Variants in RBMS2 observed in about 807,000 individuals in gnomAD.
RBMS2 encodes RNA-binding motif, single-stranded-interacting protein 2.
In RBMS2, 38 loss-of-function variants were observed where a neutral mutation model predicts 58.4. The observed-to-expected ratio is 0.65, with a 90% CI of 0.50 to 0.85. The LOEUF (loss-of-function observed/expected upper bound fraction) is 0.85, where lower values mean the gene tolerates loss of function less well. Among genes scored for constraint, RBMS2 ranks in the 40% least tolerant of loss-of-function variants. The pLI is 0.00. For synonymous variants in RBMS2, 151 were observed against 180.7 expected (o/e 0.84, Z 1.32); for missense variants, 367 against 503.7 (o/e 0.73, Z 2.60).
rs367946477 is a variant in RBMS2, at chr12:56,586,056, C to T, written c.874-793C>T. 1.9e-3 allele frequency among the ~76,000 whole-genome samples: 294 copies of T among 151,806 alleles called. 1 individual carries two copies. Among genetic ancestry groups the T allele is most frequent in the African/African-American group, 6.2e-3 (257 of 41,394 alleles). ...AAAGTAGCCAGGTGTGGGCCGGGCA[C>T]GGTGGCTCACGCCTGTAATCCCAGC... On this transcript the variant is annotated intron_variant, in intron 9 of 13. Coordinates refer to ENST00000262031, the MANE Select transcript of RBMS2 (RefSeq NM_002898.4).
intron 1 of RBMS2, among the ~76,000 whole-genome samples, chr12:56,530,807 TCTGATC>T (rs1873599905): frequency 6.6e-6 from 1 of 152,228 alleles, no homozygotes; most frequent in Admixed American, 6.5e-5. Flanking sequence ...GCATTCAGCC[TCTGATC>T]CTTTTTGTTG....
chr12:56,558,844 C>A (rs970656127), intron 1 of RBMS2, among the ~76,000 whole-genome samples: 1 of 151,952 alleles, frequency 6.6e-6, no homozygotes, highest in African/African-American at 2.4e-5. Context: ...GAGGGATCCG[C>A]CTGCTTCAGC....
intron 1 of RBMS2, among the ~76,000 whole-genome samples, chr12:56,558,031 G>A (rs1429815270): frequency 1.8e-5 from 2 of 111,276 alleles, no homozygotes; most frequent in African/African-American, 7.0e-5. Context: ...GAGCCACCTC[G>A]CCCGGGCTTT....
Position 56,526,421 on chromosome 12 carries a change from A to G in RBMS2, c.66+4332A>G, listed in dbSNP as rs1872642716. Among the ~76,000 whole-genome samples, 2 of 152,126 alleles carry G rather than the reference A, an allele frequency of 1.3e-5. 1 individual carries two copies. Among genetic ancestry groups the G allele is most frequent in the South Asian group, 4.1e-4 (2 of 4,828 alleles). ...AGATGTTTCCTGAGGAGCCCATGAC[A>G]GTCATAGTTTTCTTACTCTTTATTG... On this transcript the variant is annotated intron_variant, in intron 1 of 13. Coordinates refer to ENST00000262031, the MANE Select transcript of RBMS2 (RefSeq NM_002898.4).
rs1399614021 is a variant in RBMS2 at position 56,571,866 on chromosome 12, C to T, written c.542+11C>T. 1 of 1,523,552 alleles carries T rather than the reference C, an allele frequency of 6.6e-7. No individual in the cohort carries two copies. Among genetic ancestry groups the T allele is most frequent in the Non-Finnish European group, 8.8e-7 (1 of 1,130,698 alleles). The allele number at this position is 1,523,552 out of a possible 1,614,324, so 94.4% of individuals were successfully genotyped here. ...TGTTGGCTTTGCAAGGTGAGGATGG[C>T]AGGAGTGGGGAAATGATGAGGTTAA... On this transcript the variant is annotated intron_variant, in intron 5 of 13. Transcript: ENST00000262031.
intron 10 of RBMS2, 66 bp from the exon 11 acceptor site, chr12:56,587,488 C>T (rs1308053756): frequency 1.5e-5 from 23 of 1,527,916 alleles, no homozygotes; most frequent in South Asian, 8.6e-5. Context: ...TGACAGCCAC[C>T]GATCACTGCT....
At position 56,545,909 on chromosome 12, in the gene RBMS2, T is replaced by C. The variant is rs190246214; in HGVS notation, c.67-16508T>C. Among the ~76,000 whole-genome samples, 668 of 151,030 alleles carry C rather than the reference T, an allele frequency of 4.4e-3. 4 individuals are homozygous for C. Among genetic ancestry groups the C allele is most frequent in the South Asian group, 0.023 (108 of 4,780 alleles). ...GTGAAATTTGTGTACAGGTTTTGTG[T>C]AAGCATATGTTTTCTTCCCTTTCTT... On this transcript the variant is annotated intron_variant, in intron 1 of 13. Coordinates refer to ENST00000262031, the MANE Select transcript of RBMS2 (RefSeq NM_002898.4).
rs182323512 is a variant in RBMS2 at position 56,593,102 on chromosome 12, G to C, written c.*3969G>C. On this transcript the variant is annotated 3_prime_UTR_variant, in exon 14 of 14. Coordinates refer to ENST00000262031, the MANE Select transcript of RBMS2 (RefSeq NM_002898.4). ...ATTACAGGTGTGAGCCTCCATGCTT[G>C]GATGAGATGTTGTTTTTAATGTTTT... is the stretch of plus-strand genomic sequence containing the variant. The C allele has an allele frequency of 6.6e-6, 1 of 152,280 alleles. No homozygotes were observed. Among genetic ancestry groups the C allele is most frequent in the African/African-American group, 2.4e-5 (1 of 41,518 alleles). The allele number at this position is 152,280 out of a possible 1,614,324, so 9.4% of individuals were successfully genotyped here. A position where few individuals can be genotyped will look rare whatever the true frequency, so the allele number is the denominator to read the frequency against.
chr12:56,596,083 TAGAA>T lies in RBMS2; in HGVS notation c.*6956_*6959del, dbSNP rs768888513. ...AAAAATGAGATTGGTCCTAAAAATA[TAGAA>T]AGAAATAAATTTAAATTCACAAAAA... On this transcript the variant is annotated 3_prime_UTR_variant, in exon 14 of 14. Transcript: ENST00000262031. The T allele has an allele frequency of 6.5e-6, 1 of 152,708 alleles. No individual in the cohort carries two copies. The highest frequency in any genetic ancestry group is 1.5e-5 in the Non-Finnish European group (1 of 68,046). The allele number at this position is 152,708 out of a possible 1,614,324, so 9.5% of individuals were successfully genotyped here.
intron 5 of RBMS2, among the ~76,000 whole-genome samples, chr12:56,579,648 A>T (rs1883634899): frequency 6.6e-6 from 1 of 151,982 alleles, no homozygotes; most frequent in South Asian, 2.1e-4. Context: ...AAAAAAAAAA[A>T]ATCTTTTATA....
intron 9 of RBMS2, among the ~76,000 whole-genome samples, chr12:56,586,539 A>G (rs950378650): frequency 6.8e-6 from 1 of 146,872 alleles, no homozygotes; most frequent in Non-Finnish European, 1.5e-5. Context: ...ATCTTCTTAG[A>G]GAGATATCTT....
chr12:56,560,077 TAG>T (rs1880107250), intron 1 of RBMS2, among the ~76,000 whole-genome samples: 1 of 151,790 alleles, frequency 6.6e-6, no homozygotes, highest in Admixed American at 6.6e-5. Flanking sequence ...GTATTTTTAG[TAG>T]AGACGGGGTT....
chr12:56,574,707 C>A lies in RBMS2; in HGVS notation c.542+2852C>A, dbSNP rs116545519. Among the ~76,000 whole-genome samples the A allele has an allele frequency of 7.7e-3, 1,172 of 152,234 alleles. 12 individuals carry two copies. Among genetic ancestry groups the A allele is most frequent in the African/African-American group, 0.027 (1,124 of 41,516 alleles). ...TTCTATGTTAATGTCTACAAGTTTTCTTCATATATTCAGATTCATGCAAAG... is the reference window on the plus strand; with the variant it reads ...TTCTATGTTAATGTCTACAAGTTTTATTCATATATTCAGATTCATGCAAAG... On this transcript the variant is annotated intron_variant, in intron 5 of 13. Coordinates refer to ENST00000262031, the MANE Select transcript of RBMS2 (RefSeq NM_002898.4).
intron 1 of RBMS2, 108 bp downstream of exon 1, chr12:56,522,197 A>T: frequency 1.2e-6 from 1 of 838,410 alleles, no homozygotes; most frequent in South Asian, 1.8e-5. Context: ...TTCCTCTCTC[A>T]AGATTCCTAA....
chr12:56,565,740 C>G (rs1277663295), intron 2 of RBMS2, among the ~76,000 whole-genome samples: 2 of 152,036 alleles, frequency 1.3e-5, no homozygotes, highest in Admixed American at 1.3e-4. Flanking sequence ...AGACGGACTT[C>G]CTGCCTTTGT....
At chr12:56,557,070 C>T (rs543572728) in intron 1 of RBMS2, among the ~76,000 whole-genome samples, 3 of 152,144 alleles carry the variant, frequency 2.0e-5, no homozygotes, top group East Asian at 1.9e-4. Context: ...TGGAAATAAA[C>T]GCATTTATGA....
intron 5 of RBMS2, among the ~76,000 whole-genome samples, chr12:56,575,574 AAAAG>A (rs1471858968): frequency 6.6e-6 from 1 of 151,158 alleles, no homozygotes; most frequent in African/African-American, 2.4e-5. Context: ...CCCTCAAAAA[AAAAG>A]GGCTATTTTT....
At chr12:56,533,642 C>T (rs1016555819) in intron 1 of RBMS2, among the ~76,000 whole-genome samples, 9 of 151,658 alleles carry the variant, frequency 5.9e-5, no homozygotes, top group African/African-American at 2.2e-4. Context: ...TCTCGAACTC[C>T]TGACTTCAAG....
rs902914282 is a variant in RBMS2 at position 56,557,102 on chromosome 12, G to A, written c.67-5315G>A. Among the ~76,000 whole-genome samples the A allele has an allele frequency of 8.5e-5, 13 of 152,140 alleles. No homozygotes were observed. The South Asian group carries it at 2.7e-3, about 32-fold the overall frequency. On this transcript the variant is annotated intron_variant, in intron 1 of 13. Coordinates refer to ENST00000262031, the MANE Select transcript of RBMS2 (RefSeq NM_002898.4). ...ATGATGCTCTCTTGTTGAAGAATTA[G>A]AACTTCCTCAGCTGAGAAACATAAG...
Sources: gnomAD v4.1 joint callset for allele counts (sites outside exome capture counted in the v4.1 genomes callset) on GRCh38, gnomAD v4.1.1 for gene constraint, MANE v1.5 for transcripts, NCBI Gene and HGNC (gene_info 2026-07-23, HGNC 2026-07-21) for gene names.